Variants in MARS2 observed in about 807,000 individuals in gnomAD.
MARS2 encodes methionine--tRNA ligase, mitochondrial.
MARS2 carries 33 observed loss-of-function variants against 43.8 expected under a neutral mutation model. That is an observed-to-expected ratio of 0.75 (90% CI 0.57 to 1.01). The LOEUF (loss-of-function observed/expected upper bound fraction) is 1.01, where lower values mean the gene tolerates loss of function less well. Ranked by LOEUF, MARS2 falls within the 50% of genes least tolerant of loss-of-function variation. The pLI is 0.00. For synonymous variants in MARS2, 351 were observed against 325.5 expected (o/e 1.08, Z -0.84); for missense variants, 720 against 763.0 (o/e 0.94, Z 0.66).
rs747061134 is a variant in MARS2, at chr2:197,705,953, C to T, written c.548C>T (p.Thr183Ile). 32 of 1,614,022 alleles carry T rather than the reference C, an allele frequency of 2.0e-5. No homozygotes were observed. Among genetic ancestry groups the T allele is most frequent in the Non-Finnish European group, 2.5e-5 (30 of 1,180,024 alleles). The change falls in exon 1 of 1, where the codon ACC becomes ATC. Residue 183 changes from threonine (T) to isoleucine (I), a missense_variant. Thr to Ile is a moderately conservative substitution (Grantham distance 89). Coordinates refer to ENST00000282276, the MANE Select transcript of MARS2 (RefSeq NM_138395.4). ...TGCTTCCTGCCTGAGGCCAAGGTCA[C>T]CCAGCAGCCGGGCCCATCGGGGGAT... ...DECFLPEAKVTQQPGPSGDSF... is the reference protein window; with the variant it reads ...DECFLPEAKVIQQPGPSGDSF...
rs2089485717 is a variant in MARS2, at chr2:197,707,423, T to C, written c.*236T>C. 2 of 498,052 alleles carry C rather than the reference T, an allele frequency of 4.0e-6. No individual in the cohort carries two copies. The highest frequency in any genetic ancestry group is 3.7e-5 in the Admixed American group (1 of 27,250). 30.9% of individuals were successfully genotyped at this position (498,052 alleles called of 1,614,324 possible). ...GTCTAAGATGTCTTCAGGGGAAAGA[T>C]GGGTAAGAGACAGTGTTGCTAATGC... On this transcript the variant is annotated 3_prime_UTR_variant, in exon 1 of 1. Coordinates refer to ENST00000282276, the MANE Select transcript of MARS2 (RefSeq NM_138395.4).
chr2:197,706,755 G>A lies in MARS2; in HGVS notation c.1350G>A (p.Val450=). The change falls in exon 1 of 1, where the codon GTG becomes GTA. Residue 450 remains valine (V), a synonymous_variant. Transcript: ENST00000282276. ...CTCAGGCAGAGGATTATGCTCTGGT[G>A]AGCGCAGTGGCCACTTTGCCAAAGC... is the stretch of plus-strand genomic sequence containing the variant. The part of the protein sequence containing the change: ...VRAQAEDYAL[V]SAVATLPKQV... 6.2e-7 allele frequency: 1 copy of A among 1,614,098 alleles called. No individual in the cohort carries two copies. The highest frequency in any genetic ancestry group is 8.5e-7 in the Non-Finnish European group (1 of 1,180,042).
rs1462315844 is a variant in MARS2, at chr2:197,706,322, A to G, written c.917A>G (p.His306Arg). 1.2e-6 allele frequency: 2 copies of G among 1,614,158 alleles called. No homozygotes were observed. The highest frequency in any genetic ancestry group is 2.2e-5 in the South Asian group (2 of 91,086). The change falls in exon 1 of 1, where the codon CAT becomes CGT. Residue 306 changes from histidine to arginine, a missense_variant. By Grantham distance (29) the His-to-Arg change is conservative. Coordinates refer to ENST00000282276, the MANE Select transcript of MARS2 (RefSeq NM_138395.4). The part of the protein sequence containing the change: ...EFKSWWPATS[H>R]IIGKDILKFH... Reference sequence around the variant, plus strand: ...AAATCTTGGTGGCCGGCCACCTCTCATATCATAGGTAAGGACATTCTCAAA... The same window carrying G: ...AAATCTTGGTGGCCGGCCACCTCTCGTATCATAGGTAAGGACATTCTCAAA...
Position 197,705,393 on chromosome 2 carries a change from G to A in MARS2, c.-13G>A. The A allele has an allele frequency of 2.6e-6, 4 of 1,567,266 alleles. No homozygotes were observed. The highest frequency in any genetic ancestry group is 2.6e-6 in the Non-Finnish European group (3 of 1,154,380). ...CAGAACGCCGCCTCCTCCGCTTGCGGCCGGTCTGCACCATGCTGCGAACGT... is the reference window on the plus strand; with the variant it reads ...CAGAACGCCGCCTCCTCCGCTTGCGACCGGTCTGCACCATGCTGCGAACGT... On this transcript the variant is annotated 5_prime_UTR_variant, in exon 1 of 1. Transcript: ENST00000282276.
At position 197,705,458 on chromosome 2, in the gene MARS2, T is replaced by C. The variant is rs1187263268; in HGVS notation, c.53T>C (p.Leu18Pro). 9 of 1,612,790 alleles carry C rather than the reference T, an allele frequency of 5.6e-6. No individual in the cohort carries two copies. In the South Asian group the frequency reaches 8.8e-5, roughly 16 times the overall value. The change falls in exon 1 of 1, where the codon CTG (leucine) becomes CCG (proline). Residue 18 changes from leucine to proline, a missense_variant. Leu to Pro is a moderately conservative substitution (Grantham distance 98). Transcript: ENST00000282276. ...CTAGGACGCACGGGGGCTAGTAGGCTGTCTCTCCTGGAGGACTTCGGCCCA... is the reference window on the plus strand; with the variant it reads ...CTAGGACGCACGGGGGCTAGTAGGCCGTCTCTCCTGGAGGACTTCGGCCCA... ...RLLGRTGASRLSLLEDFGPRY... is the reference protein window; with the variant it reads ...RLLGRTGASRPSLLEDFGPRY...
At position 197,707,262 on chromosome 2, in the gene MARS2, T is replaced by C; in HGVS notation, c.*75T>C. The C allele has an allele frequency of 1.5e-6, 2 of 1,341,264 alleles. No homozygotes were observed. Among genetic ancestry groups the C allele is most frequent in the African/African-American group, 1.5e-5 (1 of 67,816 alleles). 83.1% of individuals were successfully genotyped at this position (1,341,264 alleles called of 1,614,324 possible). A position where few individuals can be genotyped will look rare whatever the true frequency, so the allele number is the denominator to read the frequency against. On this transcript the variant is annotated 3_prime_UTR_variant, in exon 1 of 1. Transcript: ENST00000282276. ...TTATTTTTTATTTTCAGGAAAGTTA[T>C]ACTAGTATTTTCTTAAGTGTGGAAT...
chr2:197,705,829 C>T lies in MARS2; in HGVS notation c.424C>T (p.Arg142Trp), dbSNP rs794726870. 9.9e-6 allele frequency: 16 copies of T among 1,613,700 alleles called. No individual in the cohort carries two copies. Among genetic ancestry groups the T allele is most frequent in the African/African-American group, 4.0e-5 (3 of 74,944 alleles). Residue 142 changes from arginine to tryptophan, a missense_variant, in exon 1 of 1, where the codon CGG becomes TGG. Arg to Trp is a moderately radical substitution (Grantham distance 101, BLOSUM62 -3). Transcript: ENST00000282276. ...AGATTTCATCCGCACCACGGAGGCCCGGCACCGGGTGGCTGTGCAGCACTT... is the reference window on the plus strand; with the variant it reads ...AGATTTCATCCGCACCACGGAGGCCTGGCACCGGGTGGCTGTGCAGCACTT... ...CTDFIRTTEA[R>W]HRVAVQHFWG... is the part of the protein sequence containing the mutation.
Position 197,706,013 on chromosome 2 carries a change from T to C in MARS2, c.608T>C (p.Val203Ala), listed in dbSNP as rs2089472138. 2 of 1,613,998 alleles carry C rather than the reference T, an allele frequency of 1.2e-6. No homozygotes were observed. Among genetic ancestry groups the C allele is most frequent in the Admixed American group, 3.3e-5 (2 of 59,998 alleles). ...GTATCTCTCGAGAGCGGGCATCCAG[T>C]CTCCTGGACCAAGGAAGAAAACTAC... ...FPVSLESGHP[V>A]SWTKEENYIF... is the part of the protein sequence containing the mutation. The change falls in exon 1 of 1, where the codon GTC becomes GCC. Residue 203 changes from valine to alanine, a missense_variant. Transcript: ENST00000282276.
Position 197,707,285 on chromosome 2 carries a change from A to G in MARS2, c.*98A>G. On this transcript the variant is annotated 3_prime_UTR_variant, in exon 1 of 1. Coordinates refer to ENST00000282276, the MANE Select transcript of MARS2 (RefSeq NM_138395.4). ...TATACTAGTATTTTCTTAAGTGTGGAATCAAATGAGCACATAAGCTGTGTC... is the reference window on the plus strand; with the variant it reads ...TATACTAGTATTTTCTTAAGTGTGGGATCAAATGAGCACATAAGCTGTGTC... 1 of 1,128,360 alleles carries G rather than the reference A, an allele frequency of 8.9e-7. No individual in the cohort carries two copies. Among genetic ancestry groups the G allele is most frequent in the Non-Finnish European group, 1.3e-6 (1 of 795,992 alleles). 69.9% of individuals were successfully genotyped at this position (1,128,360 alleles called of 1,614,324 possible).
At position 197,706,071 on chromosome 2, in the gene MARS2, C is replaced by G. The variant is rs1471733299; in HGVS notation, c.666C>G (p.Leu222=). ...IFRLSQFRKP[L]QRWLRGNPQA... is the part of the protein sequence containing the mutation. ...GGCTTTCCCAGTTCCGGAAGCCACTCCAGCGGTGGCTGCGGGGCAACCCTC... is the reference window on the plus strand; with the variant it reads ...GGCTTTCCCAGTTCCGGAAGCCACTGCAGCGGTGGCTGCGGGGCAACCCTC... The change falls in exon 1 of 1, where the codon CTC becomes CTG. Residue 222 remains leucine (L), a synonymous_variant. Transcript: ENST00000282276. The G allele has an allele frequency of 2.5e-6, 4 of 1,614,066 alleles. No homozygotes were observed. Among genetic ancestry groups the G allele is most frequent in the African/African-American group, 2.7e-5 (2 of 74,944 alleles).
rs1559379257 is a variant in MARS2, at chr2:197,705,927, G to GT, written c.523dup (p.Cys175LeufsTer5). 3.7e-6 allele frequency: 6 copies of GT among 1,614,212 alleles called. No homozygotes were observed. The highest frequency in any genetic ancestry group is 5.1e-6 in the Non-Finnish European group (6 of 1,180,048). On this transcript the variant is annotated frameshift_variant, in exon 1 of 1. Transcript: ENST00000282276. LOFTEE classifies it high-confidence loss of function. Reference sequence around the variant, plus strand: ...AAGGTTGGTATTGCGCTTCCGACGAGTGCTTCCTGCCTGAGGCCAAGGTCA... The same window carrying GT: ...AAGGTTGGTATTGCGCTTCCGACGAGTTGCTTCCTGCCTGAGGCCAAGGTCA...
In MARS2 at chr2:197,705,466, C is replaced by G. The variant is rs140705634; in HGVS notation, c.61C>G (p.Leu21Val). ...CACGGGGGCTAGTAGGCTGTCTCTC[C>G]TGGAGGACTTCGGCCCACGCTACTA... ...GRTGASRLSL[L>V]EDFGPRYYSS... Residue 21 changes from leucine (L) to valine (V), a missense_variant, in exon 1 of 1, where the codon CTG becomes GTG. Coordinates refer to ENST00000282276, the MANE Select transcript of MARS2 (RefSeq NM_138395.4). 963 of 1,612,982 alleles carry G rather than the reference C, an allele frequency of 6.0e-4. No homozygotes were observed. Among genetic ancestry groups the G allele is most frequent in the Middle Eastern group, 8.4e-4 (5 of 5,958 alleles).
In MARS2 at chr2:197,706,092, C is replaced by A; in HGVS notation, c.687C>A (p.Asn229Lys). The change falls in exon 1 of 1, where the codon AAC (asparagine) becomes AAA (lysine). Residue 229 changes from asparagine to lysine, a missense_variant. By Grantham distance (94) the Asn-to-Lys change is moderately conservative (BLOSUM62 0). Coordinates refer to ENST00000282276, the MANE Select transcript of MARS2 (RefSeq NM_138395.4). The stretch of plus-strand genomic sequence containing the variant: ...CACTCCAGCGGTGGCTGCGGGGCAA[C>A]CCTCAGGCGATCACCCCCGAACCAT... Reference protein sequence around the residue: ...RKPLQRWLRGNPQAITPEPFH... With the variant: ...RKPLQRWLRGKPQAITPEPFH... 1 of 1,614,142 alleles carries A rather than the reference C, an allele frequency of 6.2e-7. No individual in the cohort carries two copies. Among genetic ancestry groups the A allele is most frequent in the Non-Finnish European group, 8.5e-7 (1 of 1,180,030 alleles).
In MARS2 at chr2:197,707,632, G is replaced by T; in HGVS notation, c.*445G>T. 1 of 185,166 alleles carries T rather than the reference G, an allele frequency of 5.4e-6. No homozygotes were observed. Among genetic ancestry groups the T allele is most frequent in the Non-Finnish European group, 1.3e-5 (1 of 78,878 alleles). The allele number at this position is 185,166 out of a possible 1,614,324, so 11.5% of individuals were successfully genotyped here. A position where few individuals can be genotyped will look rare whatever the true frequency, so the allele number is the denominator to read the frequency against. ...GGATCCTACTTTGTTACACATGTTG[G>T]GTTTCCTGATAAAAAGAGAGTATTT... On this transcript the variant is annotated 3_prime_UTR_variant, in exon 1 of 1. Transcript: ENST00000282276.
chr2:197,705,856 T>TG lies in MARS2; in HGVS notation c.457dup (p.Val153GlyfsTer3), dbSNP rs1559379211. The TG allele has an allele frequency of 1.2e-6, 2 of 1,613,908 alleles. No individual in the cohort carries two copies. Among genetic ancestry groups the TG allele is most frequent in the Middle Eastern group, 1.6e-4 (1 of 6,062 alleles). ...GCACCGGGTGGCTGTGCAGCACTTC[T>TG]GGGGGGTGCTTAAGTCCCGCGGTCT... is the stretch of plus-strand genomic sequence containing the variant. On this transcript the variant is annotated frameshift_variant, in exon 1 of 1. Coordinates refer to ENST00000282276, the MANE Select transcript of MARS2 (RefSeq NM_138395.4). LOFTEE classifies it high-confidence loss of function.
At position 197,707,352 on chromosome 2, in the gene MARS2, A is replaced by ATTC. The variant is rs3832092; in HGVS notation, c.*166_*168dup. ...TGTAGCCTTTCAGGTGCCTGCTCCT[A>ATTC]TTCATTTCTCTGTGACCATTGATCA... On this transcript the variant is annotated 3_prime_UTR_variant, in exon 1 of 1. Transcript: ENST00000282276. 0.53 allele frequency: 334,333 copies of ATTC among 632,756 alleles called. 91,005 individuals are homozygous for ATTC. The highest frequency in any genetic ancestry group is 0.73 in the East Asian group (26,148 of 35,792). The allele number at this position is 632,756 out of a possible 1,614,324, so 39.2% of individuals were successfully genotyped here.
In MARS2 at chr2:197,705,457, C is replaced by CT. The variant is rs767624094; in HGVS notation, c.53dup (p.Ser19ValfsTer21). ...GCTAGGACGCACGGGGGCTAGTAGG[C>CT]TGTCTCTCCTGGAGGACTTCGGCCC... On this transcript the variant is annotated frameshift_variant, in exon 1 of 1. Transcript: ENST00000282276. LOFTEE classifies it high-confidence loss of function. The CT allele has an allele frequency of 1.2e-6, 2 of 1,612,652 alleles. No homozygotes were observed. The highest frequency in any genetic ancestry group is 2.7e-5 in the African/African-American group (2 of 74,930).
chr2:197,705,726 C>T lies in MARS2; in HGVS notation c.321C>T (p.Gly107=). ...LKIQQAAATA[G]LAPTELCDRV... is the part of the protein sequence containing the mutation. ...TTCAGCAGGCAGCAGCTACCGCGGG[C>T]CTGGCCCCGACCGAGCTGTGCGACC... The change falls in exon 1 of 1, where the codon GGC becomes GGT. Residue 107 remains glycine, a synonymous_variant. Transcript: ENST00000282276. The T allele has an allele frequency of 6.2e-7, 1 of 1,611,852 alleles. No individual in the cohort carries two copies. The highest frequency in any genetic ancestry group is 8.5e-7 in the Non-Finnish European group (1 of 1,180,038).
chr2:197,707,357 T>A lies in MARS2; in HGVS notation c.*170T>A. The A allele has an allele frequency of 1.6e-6, 1 of 634,020 alleles. No homozygotes were observed. 39.3% of individuals were successfully genotyped at this position (634,020 alleles called of 1,614,324 possible). A position where few individuals can be genotyped will look rare whatever the true frequency, so the allele number is the denominator to read the frequency against. On this transcript the variant is annotated 3_prime_UTR_variant, in exon 1 of 1. Transcript: ENST00000282276. ...CCTTTCAGGTGCCTGCTCCTATTCA[T>A]TTCTCTGTGACCATTGATCACTGTC...
Sources: gnomAD v4.1 joint callset for allele counts on GRCh38, gnomAD v4.1.1 for gene constraint, MANE v1.5 for transcripts, NCBI Gene and HGNC (gene_info 2026-07-23, HGNC 2026-07-21) for gene names.